TMEM68: variants seen among roughly 807,000 people sequenced by gnomAD.
TMEM68 encodes the protein DGAT1/2-independent enzyme synthesizing storage lipids.
Under a neutral mutation model 36.9 loss-of-function variants are expected in TMEM68, and 25 were observed. That is an observed-to-expected ratio of 0.68 (90% CI 0.49 to 0.95). The LOEUF (loss-of-function observed/expected upper bound fraction) is 0.95, where lower values mean the gene tolerates loss of function less well. Ranked by LOEUF, TMEM68 falls within the 40% of genes least tolerant of loss-of-function variation. The pLI is 0.00. For missense variants in TMEM68, 333 were observed against 392.0 expected (o/e 0.85, Z 1.27); for synonymous variants, 131 against 124.4 (o/e 1.05, Z -0.35).
chr8:55,754,492 CAT>C (rs1241360959), intron 4 of TMEM68, among the ~76,000 whole-genome samples: 120 of 122,546 alleles, frequency 9.8e-4, no homozygotes, highest in South Asian at 1.6e-3. Flanking sequence ...CACACACACA[CAT>C]ACATACACAC....
At position 55,765,923 on chromosome 8, in the gene TMEM68, T is replaced by C. The variant is rs984404247; in HGVS notation, c.-114-1943A>G. The stretch of plus-strand genomic sequence containing the variant: ...TCTATAAAGACCTATTTAGCACCTA[T>C]GTACCCTAATATGTACCACCCATTT... On this transcript the variant is annotated intron_variant, in intron 1 of 7. Transcript: ENST00000434581. Among the ~76,000 whole-genome samples the C allele has an allele frequency of 1.3e-5, 2 of 151,902 alleles. 1 individual carries two copies. The highest frequency in any genetic ancestry group is 4.1e-4 in the South Asian group (2 of 4,832).
At chr8:55,769,095 C>A (rs1179779147) in intron 1 of TMEM68, among the ~76,000 whole-genome samples, 1 of 145,708 alleles carries the variant, frequency 6.9e-6, no homozygotes, top group Non-Finnish European at 1.5e-5. Flanking sequence ...GAGGCCAAGG[C>A]GGGTGGATCA....
rs78128307 is a variant in TMEM68 at position 55,753,335 on chromosome 8, TA to T, written c.494-2179del. On this transcript the variant is annotated intron_variant, in intron 4 of 7. Transcript: ENST00000434581. ...AAATATTAATGCTAACATTAAATCT[TA>T]AAAAAAAACCCCACAAAACTGTTTG... is the stretch of plus-strand genomic sequence containing the variant. 8.9e-3 allele frequency among the ~76,000 whole-genome samples: 1,349 copies of T among 151,290 alleles called. 15 individuals carry two copies. Among genetic ancestry groups the T allele is most frequent in the East Asian group, 0.054 (280 of 5,154 alleles).
intron 1 of TMEM68, among the ~76,000 whole-genome samples, chr8:55,766,003 G>T (rs1424536771): frequency 6.6e-6 from 1 of 152,154 alleles, no homozygotes; most frequent in African/African-American, 2.4e-5. Context: ...CATCCTAGAG[G>T]GGGAAGATAG....
At position 55,762,912 on chromosome 8, in the gene TMEM68, G is replaced by A. The variant is rs1810844143; in HGVS notation, c.48C>T (p.Pro16=). ...GTATGTGAATCAGACAAATCATATAGGGCACAGAATCCTGTCCTACACCAC... is the reference window on the plus strand; with the variant it reads ...GTATGTGAATCAGACAAATCATATAAGGCACAGAATCCTGTCCTACACCAC... ...QTCGVGQDSV[P]YMICLIHILE... The change falls in exon 3 of 8, where the codon CCC becomes CCT. Residue 16 remains proline, a synonymous_variant. Coordinates refer to ENST00000434581, the MANE Select transcript of TMEM68 (RefSeq NM_001286657.2). 2 of 1,613,712 alleles carry A rather than the reference G, an allele frequency of 1.2e-6. No individual in the cohort carries two copies. The highest frequency in any genetic ancestry group is 1.7e-6 in the Non-Finnish European group (2 of 1,179,884).
intron 1 of TMEM68, among the ~76,000 whole-genome samples, chr8:55,770,614 C>T (rs1208416851): frequency 6.6e-6 from 1 of 151,756 alleles, no homozygotes; most frequent in African/African-American, 2.4e-5. Context: ...GTGAAGACTG[C>T]AGTAAGCTAT....
In TMEM68 at chr8:55,738,802, A is replaced by C. The variant is rs1453680787; in HGVS notation, c.*1330T>G. 1 of 152,610 alleles carries C rather than the reference A, an allele frequency of 6.6e-6. No homozygotes were observed. The highest frequency in any genetic ancestry group is 1.5e-5 in the Non-Finnish European group (1 of 68,036). The allele number at this position is 152,610 out of a possible 1,614,324, so 9.5% of individuals were successfully genotyped here. A position where few individuals can be genotyped will look rare whatever the true frequency, so the allele number is the denominator to read the frequency against. On this transcript the variant is annotated 3_prime_UTR_variant, in exon 8 of 8. Coordinates refer to ENST00000434581, the MANE Select transcript of TMEM68 (RefSeq NM_001286657.2). ...ATTTTATGTACATTTCACATATCATAAATACACACAATACAAAAAGCTATA... is the reference window on the plus strand; with the variant it reads ...ATTTTATGTACATTTCACATATCATCAATACACACAATACAAAAAGCTATA...
intron 3 of TMEM68, among the ~76,000 whole-genome samples, chr8:55,759,168 C>A (rs1285922829): frequency 6.6e-6 from 1 of 150,458 alleles, no homozygotes; most frequent in East Asian, 1.9e-4. Flanking sequence ...GCCTGTAATG[C>A]CAGTTCTTTG....
intron 1 of TMEM68, among the ~76,000 whole-genome samples, chr8:55,769,901 C>T (rs1253878207): frequency 1.3e-5 from 2 of 152,150 alleles, no homozygotes. Flanking sequence ...CCAAAGTGCT[C>T]GGATTGCAGG....
chr8:55,765,450 A>G (rs1021271316), intron 1 of TMEM68, among the ~76,000 whole-genome samples: 1 of 152,170 alleles, frequency 6.6e-6, no homozygotes, highest in African/African-American at 2.4e-5. Context: ...AAAACCTATA[A>G]AACTAGGATA....
At chr8:55,756,159 T>A in intron 4 of TMEM68, 85 bp downstream of exon 4, 2 of 1,235,838 alleles carry the variant, frequency 1.6e-6, no homozygotes, top group Non-Finnish European at 1.1e-6. Flanking sequence ...TCAAATGACG[T>A]TAGAGAGCTC....
At chr8:55,760,348 A>C (rs1380653333) in intron 3 of TMEM68, among the ~76,000 whole-genome samples, 4 of 152,368 alleles carry the variant, frequency 2.6e-5, no homozygotes, top group African/African-American at 9.6e-5. Context: ...TACAGACCAC[A>C]GCCTCCACGG....
At chr8:55,753,571 G>A (rs1165072760) in intron 4 of TMEM68, among the ~76,000 whole-genome samples, 1 of 152,122 alleles carries the variant, frequency 6.6e-6, no homozygotes, top group Non-Finnish European at 1.5e-5. Context: ...AGCATTAACT[G>A]TTTATAGGCA....
At chr8:55,750,830 A>G (rs1810409533) in intron 5 of TMEM68, 134 bp downstream of exon 5, 1 of 825,288 alleles carries the variant, frequency 1.2e-6, no homozygotes, top group Admixed American at 3.0e-5. Context: ...GAGCTACCAC[A>G]CTCGGCCTAC....
intron 3 of TMEM68, among the ~76,000 whole-genome samples, chr8:55,759,629 AAATT>A (rs1271631484): frequency 6.6e-6 from 1 of 152,072 alleles, no homozygotes; most frequent in Non-Finnish European, 1.5e-5. Context: ...AAAACAGGAA[AAATT>A]ATTAGTGACT....
At chr8:55,768,526 C>T (rs921525919) in intron 1 of TMEM68, among the ~76,000 whole-genome samples, 2 of 151,584 alleles carry the variant, frequency 1.3e-5, no homozygotes, top group Non-Finnish European at 2.9e-5. Context: ...ACCAGCCAGG[C>T]AATATAGTAA....
In TMEM68 at chr8:55,754,494, T is replaced by C. The variant is rs201421437; in HGVS notation, c.493+1750A>G. 2.4e-3 allele frequency among the ~76,000 whole-genome samples: 275 copies of C among 116,126 alleles called. 1 individual carries two copies. Among genetic ancestry groups the C allele is most frequent in the South Asian group, 7.2e-3 (26 of 3,612 alleles). The allele number at this position is 116,126 out of a possible 152,430, so 76.2% of individuals were successfully genotyped here. A position where few individuals can be genotyped will look rare whatever the true frequency, so the allele number is the denominator to read the frequency against. ...ACACACACACACACACACACACACA[T>C]ACATACACACACACACGTGTATATA... On this transcript the variant is annotated intron_variant, in intron 4 of 7. Coordinates refer to ENST00000434581, the MANE Select transcript of TMEM68 (RefSeq NM_001286657.2).
intron 5 of TMEM68, among the ~76,000 whole-genome samples, chr8:55,749,898 T>C (rs965995077): frequency 6.6e-6 from 1 of 152,178 alleles, no homozygotes; most frequent in Non-Finnish European, 1.5e-5. Context: ...AAATTAATTA[T>C]CTGGAAACTC....
intron 5 of TMEM68, among the ~76,000 whole-genome samples, chr8:55,748,358 G>A (rs1810341383): frequency 6.6e-6 from 1 of 152,136 alleles, no homozygotes; most frequent in Non-Finnish European, 1.5e-5. Context: ...TTTTATTAAA[G>A]ACAGAGTTTG....
Sources: allele counts gnomAD v4.1 joint callset (sites outside exome capture counted in the v4.1 genomes callset), GRCh38; gene constraint gnomAD v4.1.1; transcripts MANE v1.5; gene names NCBI Gene and HGNC (gene_info 2026-07-23, HGNC 2026-07-21).